Variants in RTCB observed in about 807,000 individuals in gnomAD.
RTCB encodes the protein RNA-splicing ligase RTCB.
In RTCB, 32 loss-of-function variants were observed where a neutral mutation model predicts 58.2. The observed-to-expected ratio is 0.55, with a 90% CI of 0.41 to 0.74. RTCB has a LOEUF of 0.74. RTCB is among the 30% of genes least tolerant of loss of function. RTCB has a pLI of 0.00. For synonymous variants in RTCB, 247 were observed against 218.6 expected, an observed-to-expected ratio of 1.13 and a Z score of -1.15; for missense variants, 523 against 639.0, an observed-to-expected ratio of 0.82 and a Z score of 1.96.
intron 1 of RTCB, among the ~76,000 whole-genome samples, chr22:32,410,692 A>G (rs1933504467): frequency 6.6e-6 from 1 of 151,486 alleles, no homozygotes. Context: ...TCCTACAGAT[A>G]ATCATGTCAT....
intron 1 of RTCB, among the ~76,000 whole-genome samples, chr22:32,410,902 C>T (rs1933509894): frequency 6.6e-6 from 1 of 151,942 alleles, no homozygotes; most frequent in Non-Finnish European, 1.5e-5. Flanking sequence ...GAGACAGGGT[C>T]CCACTATATT....
rs1933208443 is a variant in RTCB at position 32,394,388 on chromosome 22, GGC to G, written c.1180-388_1180-387del. On this transcript the variant is annotated intron_variant, in intron 9 of 11. Coordinates refer to ENST00000216038, the MANE Select transcript of RTCB (RefSeq NM_014306.5). ...GGCCTCCGAAAGTGCTGGGATTACA[GGC>G]GTAAGCCACCACACCCGGCCGGAGA... 2.6e-5 allele frequency among the ~76,000 whole-genome samples: 4 copies of G among 152,034 alleles called. No individual in the cohort carries two copies. In the South Asian group the frequency reaches 8.3e-4, roughly 31 times the overall value.
At chr22:32,392,524 G>A in intron 10 of RTCB, 165 bp from the exon 11 acceptor site, 2 of 930,554 alleles carry the variant, frequency 2.1e-6, no homozygotes, top group South Asian at 2.8e-5. Flanking sequence ...TTTTGGACCG[G>A]AGAATTCTTT....
chr22:32,393,899 T>C lies in RTCB; in HGVS notation c.1283A>G (p.His428Arg). 6.2e-7 allele frequency: 1 copy of C among 1,611,240 alleles called. No individual in the cohort carries two copies. Among genetic ancestry groups the C allele is most frequent in the Non-Finnish European group, 8.5e-7 (1 of 1,177,354 alleles). Residue 428 changes from histidine to arginine, a missense_variant, in exon 10 of 12, where the codon CAT (histidine) becomes CGT (arginine). His to Arg is a conservative substitution (Grantham distance 29). Transcript: ENST00000216038. The stretch of plus-strand genomic sequence containing the variant: ...AGTTTCTGTTTTCCTTACCGCTCCA[T>C]GACAGGTTGTTCCAAAGGTCTCAGT... ...GMTETFGTTC[H>R]GAGRALSRAK...
At chr22:32,399,835 G>C in intron 5 of RTCB, 76 bp from the exon 6 acceptor site, 3 of 1,365,428 alleles carry the variant, frequency 2.2e-6, no homozygotes, top group Non-Finnish European at 3.0e-6. Flanking sequence ...CATCCTTAAA[G>C]GGCAGAGAAA....
In RTCB at chr22:32,388,044, C is replaced by G; in HGVS notation, c.1466G>C (p.Gly489Ala). 1 of 1,614,044 alleles carries G rather than the reference C, an allele frequency of 6.2e-7. No homozygotes were observed. The highest frequency in any genetic ancestry group is 8.5e-7 in the Non-Finnish European group (1 of 1,179,928). ...TDVVNTCHDA[G>A]ISKKAIKLRP... is the part of the protein sequence containing the mutation. ...CAGTTTAATGGCTTTCTTGCTGATT[C>G]CAGCATCATGGCAGGTATTTACCAC... Residue 489 changes from glycine to alanine, a missense_variant, in exon 12 of 12, where the codon GGA becomes GCA. Gly to Ala is a moderately conservative substitution (Grantham distance 60, BLOSUM62 0). This residue lies in a region of RTCB where 248 missense variants were observed against 292.5 expected (regional missense o/e 0.85). Coordinates refer to ENST00000216038, the MANE Select transcript of RTCB (RefSeq NM_014306.5).
chr22:32,400,097 C>A, intron 5 of RTCB: 6 of 174,002 alleles, frequency 3.4e-5, no homozygotes, highest in East Asian at 1.6e-4. Flanking sequence ...CAGACAAAAA[C>A]AAAACAAAAC....
chr22:32,408,179 A>G lies in RTCB; in HGVS notation c.236T>C (p.Val79Ala). The change falls in exon 3 of 12, where the codon GTT becomes GCT. Residue 79 changes from valine to alanine, a missense_variant. Val to Ala is a moderately conservative substitution (Grantham distance 64, BLOSUM62 0). Coordinates refer to ENST00000216038, the MANE Select transcript of RTCB (RefSeq NM_014306.5). ...AAGTTCTGAACTCTGACTCACATGA[A>G]CAATTCCAGGCAGGGCTGCCACATT... The part of the protein sequence containing the change: ...IGNVAALPGI[V>A]HRSIGLPDVH... The G allele has an allele frequency of 6.2e-7, 1 of 1,614,102 alleles. No individual in the cohort carries two copies. The highest frequency in any genetic ancestry group is 8.5e-7 in the Non-Finnish European group (1 of 1,179,920).
intron 7 of RTCB, among the ~76,000 whole-genome samples, chr22:32,396,930 C>G (rs1933255153): frequency 6.6e-6 from 1 of 152,196 alleles, no homozygotes; most frequent in African/African-American, 2.4e-5. Context: ...GGCAAGCTGA[C>G]AACTGCGTCT....
intron 1 of RTCB, among the ~76,000 whole-genome samples, chr22:32,409,314 C>T (rs929171069): frequency 2.0e-5 from 3 of 152,076 alleles, no homozygotes; most frequent in African/African-American, 7.2e-5. Context: ...TTTTATTGTG[C>T]TCTAGTGGTG....
At chr22:32,394,165 G>A (rs531489264) in intron 9 of RTCB, among the ~76,000 whole-genome samples, 163 bp from the exon 10 acceptor site, 14 of 150,284 alleles carry the variant, frequency 9.3e-5, no homozygotes, top group Admixed American at 9.3e-4. Context: ...AGGCTGGAGT[G>A]CAGTGGCGGG....
intron 4 of RTCB, among the ~76,000 whole-genome samples, chr22:32,403,762 T>C (rs1450460792): frequency 6.6e-6 from 1 of 152,146 alleles, no homozygotes; most frequent in East Asian, 1.9e-4. Flanking sequence ...AGTAATACAA[T>C]ACAATACATT....
In RTCB at chr22:32,412,094, C is replaced by T. The variant is rs146959368; in HGVS notation, c.63G>A (p.Arg21=). Residue 21 remains arginine, a synonymous_variant, in exon 1 of 12, where the codon AGG becomes AGA. Coordinates refer to ENST00000216038, the MANE Select transcript of RTCB (RefSeq NM_014306.5). ...FLEKINKNCW[R]IKKGFVPNMQ... ...TGTTGGGCACGAAGCCCTTCTTGAT[C>T]CTCCAGCAGTTTTTATTGATCTTCT... is the stretch of plus-strand genomic sequence containing the variant. 214 of 1,609,510 alleles carry T rather than the reference C, an allele frequency of 1.3e-4. 1 individual carries two copies. Among genetic ancestry groups the T allele is most frequent in the Middle Eastern group, 8.3e-4 (5 of 6,054 alleles).
chr22:32,405,234 T>TA (rs2145897029), intron 4 of RTCB, among the ~76,000 whole-genome samples: 1 of 152,338 alleles, frequency 6.6e-6, no homozygotes, highest in East Asian at 1.9e-4. Context: ...TTCTTGTCTT[T>TA]AAAAAATGTG....
In RTCB at chr22:32,393,960, A is replaced by T. The variant is rs1308014950; in HGVS notation, c.1222T>A (p.Cys408Ser). 1.2e-6 allele frequency: 2 copies of T among 1,614,152 alleles called. No individual in the cohort carries two copies. The highest frequency in any genetic ancestry group is 2.2e-5 in the East Asian group (1 of 44,890). ...PVLIGGTMGT[C>S]SYVLTGTEQG... Reference sequence around the variant, plus strand: ...TCAGTGCCAGTAAGAACATAACTACAGGTTCCCATGGTGCCACCAATGAGC... The same window carrying T: ...TCAGTGCCAGTAAGAACATAACTACTGGTTCCCATGGTGCCACCAATGAGC... The change falls in exon 10 of 12, where the codon TGT (cysteine) becomes AGT (serine). Residue 408 changes from cysteine to serine, a missense_variant. Around this residue, in one of 3 missense-constraint regions of RTCB, gnomAD observed 248 missense variants for 292.5 expected, o/e 0.85. Transcript: ENST00000216038.
At chr22:32,406,030 TGTGGTCATTAACATTATTAGAC>T (rs1370816276) in intron 4 of RTCB, among the ~76,000 whole-genome samples, 1 of 152,188 alleles carries the variant, frequency 6.6e-6, no homozygotes, top group Non-Finnish European at 1.5e-5. Context: ...ACTAATACTG[TGTGGTCATTAACATTATTAGAC>T]GTGATCTGTC....
intron 11 of RTCB, 96 bp downstream of exon 11, chr22:32,392,144 C>A: frequency 7.6e-7 from 1 of 1,307,408 alleles, no homozygotes; most frequent in Non-Finnish European, 1.0e-6. Flanking sequence ...CAAACAATTT[C>A]TGTTAGTAAC....
At chr22:32,399,111 C>T (rs1011771097) in intron 6 of RTCB, among the ~76,000 whole-genome samples, 5 of 152,048 alleles carry the variant, frequency 3.3e-5, no homozygotes, top group Admixed American at 2.0e-4. Context: ...CTATTTTTCT[C>T]CCATTCACTT....
At chr22:32,400,369 G>A (rs1933316668) in intron 5 of RTCB, among the ~76,000 whole-genome samples, 1 of 152,138 alleles carries the variant, frequency 6.6e-6, no homozygotes, top group Admixed American at 6.5e-5. Context: ...CTTCATCCAA[G>A]GTCCAGCTCT....
Sources: gnomAD v4.1 joint callset for allele counts (sites outside exome capture counted in the v4.1 genomes callset) on GRCh38, gnomAD v4.1.1 for gene constraint, gnomAD v4.1.1 regional missense constraint, MANE v1.5 for transcripts, NCBI Gene and HGNC (gene_info 2026-07-23, HGNC 2026-07-21) for gene names.